The following CFHR4 variants were observed in gnomAD, a reference collection of about 807,000 sequenced individuals.
CFHR4 encodes the protein complement factor H related 4.
In CFHR4, 64 loss-of-function variants were observed where a neutral mutation model predicts 69.3. That is an observed-to-expected ratio of 0.92 (90% CI 0.76 to 1.14). The LOEUF (loss-of-function observed/expected upper bound fraction) is 1.14. Ranked by LOEUF, CFHR4 falls within the 50% of genes most tolerant of loss-of-function variation. The probability of loss-of-function intolerance (pLI) is 0.00; values close to 1 mark genes in which losing one functional copy is unlikely to be tolerated. For missense variants in CFHR4, 636 were observed against 684.9 expected, an observed-to-expected ratio of 0.93 and a Z score of 0.80; for synonymous variants, 244 against 237.0, an observed-to-expected ratio of 1.03 and a Z score of -0.27.
chr1:196,909,972 T>C (rs1263284649), intron 5 of CFHR4, among the ~76,000 whole-genome samples: 3 of 150,782 alleles, frequency 2.0e-5, no homozygotes, highest in Non-Finnish European at 4.4e-5. Context: ...ACCAATATGG[T>C]AAAACTCTGT....
chr1:196,918,039 CTTA>C (rs1410485824), intron 9 of CFHR4, among the ~76,000 whole-genome samples, 168 bp from the exon 10 acceptor site: 2 of 151,608 alleles, frequency 1.3e-5, no homozygotes, highest in African/African-American at 4.9e-5. Context: ...TGCAACTGAA[CTTA>C]TTATATTTTT....
intron 9 of CFHR4, among the ~76,000 whole-genome samples, chr1:196,916,110 T>C (rs1268459997): frequency 6.6e-6 from 1 of 151,504 alleles, no homozygotes; most frequent in African/African-American, 2.4e-5. Flanking sequence ...ATAATCAAAA[T>C]GAATACACTA....
chr1:196,896,520 C>A (rs1216608055), intron 1 of CFHR4, among the ~76,000 whole-genome samples: 1 of 151,570 alleles, frequency 6.6e-6, no homozygotes, highest in Non-Finnish European at 1.5e-5. Context: ...GCAATCAGAG[C>A]ACAAATCTCA....
Position 196,893,637 on chromosome 1 carries a change from A to G in CFHR4, c.58+5429A>G, listed in dbSNP as rs148263517. 4.0e-5 allele frequency among the ~76,000 whole-genome samples: 6 copies of G among 151,704 alleles called. No individual in the cohort carries two copies. The East Asian group carries it at 1.2e-3, about 29-fold the overall frequency. On this transcript the variant is annotated intron_variant, in intron 1 of 9. Coordinates refer to ENST00000608469, the MANE Select transcript of CFHR4 (RefSeq NM_001201550.3). ...CTACACAATTGAGCGATCTTCACTT[A>G]TAAGCACTGTTAAGAAAATATGTTA...
intron 1 of CFHR4, among the ~76,000 whole-genome samples, chr1:196,895,185 A>T (rs1657230230): frequency 6.6e-6 from 1 of 151,512 alleles, no homozygotes; most frequent in African/African-American, 2.4e-5. Context: ...GTGAGCTATG[A>T]TCACACCACT....
intron 9 of CFHR4, 111 bp from the exon 10 acceptor site, chr1:196,918,099 T>C: frequency 8.7e-7 from 1 of 1,152,080 alleles, no homozygotes; most frequent in Non-Finnish European, 1.2e-6. Flanking sequence ...CTATTAACTA[T>C]TTGGATTATT....
chr1:196,917,090 G>C (rs984767584), intron 9 of CFHR4, among the ~76,000 whole-genome samples: 2 of 151,556 alleles, frequency 1.3e-5, no homozygotes, highest in African/African-American at 4.9e-5. Context: ...AAATTTTTTG[G>C]ATCTCAAAAG....
chr1:196,910,823 T>A (rs1658223446), intron 6 of CFHR4, among the ~76,000 whole-genome samples: 1 of 151,656 alleles, frequency 6.6e-6, no homozygotes. Context: ...TGCAGTCTTA[T>A]TTAAATATTC....
rs764853537 is a variant in CFHR4 at position 196,907,022 on chromosome 1, T to C, written c.601T>C (p.Leu201=). 4 of 1,610,610 alleles carry C rather than the reference T, an allele frequency of 2.5e-6. No individual in the cohort carries two copies. Among genetic ancestry groups the C allele is most frequent in the Admixed American group, 3.4e-5 (2 of 59,516 alleles). The change falls in exon 4 of 10, where the codon TTG becomes CTG. Residue 201 remains leucine, a synonymous_variant. Transcript: ENST00000608469. ...IVCGEDGWSH[L]PTCYNSSENC... ...GTGTGGTGAAGATGGCTGGTCCCAT[T>C]TGCCAACATGCTATAGTAAGTATTT... is the stretch of plus-strand genomic sequence containing the variant.
intron 1 of CFHR4, among the ~76,000 whole-genome samples, chr1:196,895,328 T>A (rs530645930): frequency 1.3e-5 from 2 of 151,688 alleles, no homozygotes; most frequent in South Asian, 4.2e-4. Flanking sequence ...TTAAGTTTAT[T>A]GAGGGTCTCT....
rs551556906 is a variant in CFHR4 at position 196,899,902 on chromosome 1, G to C, written c.59-2516G>C. Among the ~76,000 whole-genome samples, 6 of 151,466 alleles carry C rather than the reference G, an allele frequency of 4.0e-5. No individual in the cohort carries two copies. In the South Asian group the frequency reaches 8.3e-4, roughly 21 times the overall value. On this transcript the variant is annotated intron_variant, in intron 1 of 9. Coordinates refer to ENST00000608469, the MANE Select transcript of CFHR4 (RefSeq NM_001201550.3). ...ATCAGATACAGCATTTTATTCTCAG[G>C]CTTCATTACTCTTTTGTGTCTGCCC...
rs765896121 is a variant in CFHR4, at chr1:196,902,568, A to G, written c.209A>G (p.Tyr70Cys). The G allele has an allele frequency of 3.7e-6, 6 of 1,612,364 alleles. No individual in the cohort carries two copies. In the African/African-American group the frequency reaches 8.1e-5, roughly 22 times the overall value. Residue 70 changes from tyrosine (Y) to cysteine (C), a missense_variant, in exon 2 of 10, where the codon TAC becomes TGC. This residue lies in a region of CFHR4 where 529 missense variants were observed against 533.2 expected (regional missense o/e 0.99). Transcript: ENST00000608469. ...FVTPSGSYWD[Y>C]IHCTQDGWSP... ...ACTCCTTCAGGAAGTTACTGGGATTACATTCATTGCACACAAGATGGTTGG... is the reference window on the plus strand; with the variant it reads ...ACTCCTTCAGGAAGTTACTGGGATTGCATTCATTGCACACAAGATGGTTGG...
intron 1 of CFHR4, among the ~76,000 whole-genome samples, chr1:196,898,497 G>A (rs189317791): frequency 1.6e-4 from 24 of 151,582 alleles, no homozygotes; most frequent in Non-Finnish European, 3.2e-4. Flanking sequence ...TCTCTTTAAT[G>A]TTTGCTACTC....
intron 2 of CFHR4, among the ~76,000 whole-genome samples, chr1:196,903,674 T>C (rs995528062): frequency 2.7e-4 from 40 of 150,416 alleles, no homozygotes; most frequent in African/African-American, 7.6e-4. Flanking sequence ...AAAACACATA[T>C]ATATATATAT....
At position 196,918,180 on chromosome 1, in the gene CFHR4, ATTGTTAATTGT is replaced by A; in HGVS notation, c.1541-27_1541-17del. 1 of 1,590,786 alleles carries A rather than the reference ATTGTTAATTGT, an allele frequency of 6.3e-7. No individual in the cohort carries two copies. The highest frequency in any genetic ancestry group is 8.6e-7 in the Non-Finnish European group (1 of 1,165,104). ...TTTGCTCATGAAAGGCAAGATTATG[ATTGTTAATTGT>A]TTCTTTTTCTGCTTTCAGATCCATG... On this transcript the variant is annotated intron_variant, in intron 9 of 9. Coordinates refer to ENST00000608469, the MANE Select transcript of CFHR4 (RefSeq NM_001201550.3).
chr1:196,914,417 C>T (rs1034933618), intron 7 of CFHR4, 78 bp from the exon 8 acceptor site: 4 of 1,433,436 alleles, frequency 2.8e-6, no homozygotes, highest in South Asian at 1.5e-5. Flanking sequence ...TAAATTTTAT[C>T]CCTACAATGG....
In CFHR4 at chr1:196,910,381, C is replaced by T. The variant is rs1344214856; in HGVS notation, c.900C>T (p.Ser300=). The change falls in exon 6 of 10, where the codon TCC becomes TCT. Residue 300 remains serine, a synonymous_variant. Transcript: ENST00000608469. ...YFPVATGQSY[S]YYCDQNFVTP... is the part of the protein sequence containing the mutation. ...CAGTAGCTACAGGACAATCTTACTC[C>T]TATTACTGTGACCAAAATTTTGTGA... The T allele has an allele frequency of 6.2e-7, 1 of 1,611,838 alleles. No individual in the cohort carries two copies. Among genetic ancestry groups the T allele is most frequent in the African/African-American group, 1.3e-5 (1 of 74,336 alleles).
chr1:196,913,501 C>G (rs962568728), intron 7 of CFHR4, among the ~76,000 whole-genome samples: 2 of 151,444 alleles, frequency 1.3e-5, no homozygotes, highest in Non-Finnish European at 2.9e-5. Flanking sequence ...TACAAACCTC[C>G]TACCTGCCAA....
Position 196,905,845 on chromosome 1 carries a change from G to T in CFHR4, c.439+555G>T, listed in dbSNP as rs1299430687. 1.3e-5 allele frequency among the ~76,000 whole-genome samples: 2 copies of T among 151,300 alleles called. 1 individual carries two copies. The highest frequency in any genetic ancestry group is 2.9e-5 in the Non-Finnish European group (2 of 67,910). ...AACAAGTAAAGAAAAAGAGTAAGTGGGTGGGCTGAATGTTTACAAACCTCA... is the reference window on the plus strand; with the variant it reads ...AACAAGTAAAGAAAAAGAGTAAGTGTGTGGGCTGAATGTTTACAAACCTCA... On this transcript the variant is annotated intron_variant, in intron 3 of 9. Coordinates refer to ENST00000608469, the MANE Select transcript of CFHR4 (RefSeq NM_001201550.3).
Sources: gnomAD v4.1 joint callset for allele counts (sites outside exome capture counted in the v4.1 genomes callset) on GRCh38, gnomAD v4.1.1 for gene constraint, gnomAD v4.1.1 regional missense constraint, MANE v1.5 for transcripts, NCBI Gene and HGNC (gene_info 2026-07-23, HGNC 2026-07-21) for gene names.